POM121: variants seen among roughly 807,000 people sequenced by gnomAD.
The protein encoded by POM121 is nuclear envelope pore membrane protein POM 121.
In POM121, 32 loss-of-function variants were observed where a neutral mutation model predicts 81.3. The observed-to-expected ratio is 0.39, with a 90% CI of 0.30 to 0.53. The LOEUF (loss-of-function observed/expected upper bound fraction) is 0.53, where lower values mean the gene tolerates loss of function less well. Ranked by LOEUF, POM121 falls within the 20% of genes least tolerant of loss-of-function variation. The pLI is 0.66. For missense variants in POM121, 1,138 were observed against 1,614.6 expected (o/e 0.70, Z 5.06); for synonymous variants, 514 against 694.2 (o/e 0.74, Z 4.08).
upstream of POM121, chr7:72,925,032 G>A: frequency 7.5e-7 from 1 of 1,332,198 alleles, no homozygotes; most frequent in Non-Finnish European, 9.5e-7. Context: ...CCGGAGTCGC[G>A]CGCGCATGAC....
At chr7:72,904,942 C>T (rs1305092808) in intron 3 of POM121, among the ~76,000 whole-genome samples, 9 of 152,296 alleles carry the variant, frequency 5.9e-5, no homozygotes, top group South Asian at 2.1e-4. Flanking sequence ...CTCGCTATCA[C>T]GAGAACACCA....
intron 7 of POM121, 78 bp from the exon 8 acceptor site, chr7:72,939,768 GA>G: frequency 6.2e-7 from 1 of 1,610,750 alleles, no homozygotes; most frequent in East Asian, 2.2e-5. Flanking sequence ...AACTCAATGT[GA>G]AATGCGAAGT....
At chr7:72,908,019 A>G (rs1320145518) in intron 3 of POM121, among the ~76,000 whole-genome samples, 1 of 152,114 alleles carries the variant, frequency 6.6e-6, no homozygotes, top group Non-Finnish European at 1.5e-5. Flanking sequence ...CTGCTGCTCT[A>G]TCATCAAGGT....
Position 72,939,859 on chromosome 7 carries a change from C to A in POM121, c.1454C>A (p.Thr485Asn), listed in dbSNP as rs1348959217. 1.2e-6 allele frequency: 2 copies of A among 1,610,338 alleles called. No individual in the cohort carries two copies. The highest frequency in any genetic ancestry group is 1.7e-6 in the Non-Finnish European group (2 of 1,178,712). ...ESQGEKAADT[T>N]PRKKQNSNSQ... ...TTTCTTTCTTTAGCTGCAGATACAA[C>A]CCCAAGGAAGAAACAAAACTCGAAT... is the stretch of plus-strand genomic sequence containing the variant. Residue 485 changes from threonine to asparagine, a missense_variant, in exon 8 of 13, where the codon ACC (threonine) becomes AAC (asparagine). By Grantham distance (65) the Thr-to-Asn change is moderately conservative. Around this residue, in one of 7 missense-constraint regions of POM121, gnomAD observed 24 missense variants for 54.3 expected, o/e 0.44. Transcript: ENST00000434423.
intron 3 of POM121, chr7:72,891,151 C>G: frequency 1.3e-6 from 1 of 746,492 alleles, no homozygotes; most frequent in South Asian, 1.7e-5. Context: ...ATGCTCATCC[C>G]AGACCTTTGG....
rs1554496802 is a variant in POM121 at position 72,925,145 on chromosome 7, TGGAGCAGGCGAGCGGCGGCGGCC to T, written c.25_47del (p.Gly9HisfsTer114). ...CGATGTCTCCGGCGGCTGCGGCGGCTGGAGCAGGCGAGCGGCGGCGGCCCATAGCGAGTGTCAGGGACGGCCGG... is the reference window on the plus strand; with the variant it reads ...CGATGTCTCCGGCGGCTGCGGCGGCTCATAGCGAGTGTCAGGGACGGCCGG... On this transcript the variant is annotated frameshift_variant, in exon 1 of 13. Transcript: ENST00000434423. LOFTEE classifies it high-confidence loss of function. 6.9e-7 allele frequency: 1 copy of T among 1,452,254 alleles called. No homozygotes were observed. The highest frequency in any genetic ancestry group is 1.5e-5 in the African/African-American group (1 of 67,034). The allele number at this position is 1,452,254 out of a possible 1,614,324, so 90.0% of individuals were successfully genotyped here.
intron 4 of POM121, among the ~76,000 whole-genome samples, chr7:72,916,567 A>T (rs1258899618): frequency 6.6e-6 from 1 of 152,212 alleles, no homozygotes; most frequent in East Asian, 1.9e-4. Flanking sequence ...TGGTTACTGT[A>T]GCCTTGTAGT....
chr7:72,917,074 T>C (rs782242903), intron 4 of POM121, among the ~76,000 whole-genome samples: 5 of 152,190 alleles, frequency 3.3e-5, no homozygotes, highest in Non-Finnish European at 7.3e-5. Context: ...ATACTTCTCA[T>C]TGTTTGCTAT....
At chr7:72,911,593 T>C (rs1231245839) in intron 3 of POM121, among the ~76,000 whole-genome samples, 1 of 152,206 alleles carries the variant, frequency 6.6e-6, no homozygotes, top group Non-Finnish European at 1.5e-5. Flanking sequence ...GCGCTCTGGC[T>C]CGTGCGACCT....
At chr7:72,881,269 A>G (rs186949802) in intron 1 of POM121, among the ~76,000 whole-genome samples, 12,221 of 150,812 alleles carry the variant, frequency 0.081, 1,606 homozygotes, top group African/African-American at 0.28. Context: ...GGGTTTTGCC[A>G]TGTTGGCCCA....
chr7:72,925,330 GC>G lies in POM121; in HGVS notation c.211del (p.Arg71AlafsTer50). The G allele has an allele frequency of 6.5e-7, 1 of 1,534,432 alleles. No individual in the cohort carries two copies. Among genetic ancestry groups the G allele is most frequent in the Non-Finnish European group, 8.7e-7 (1 of 1,146,642 alleles). On this transcript the variant is annotated frameshift_variant, in exon 1 of 13. Coordinates refer to ENST00000434423, the MANE Select transcript of POM121 (RefSeq NM_001387691.1). LOFTEE classifies it high-confidence loss of function. ...VGATAAWWGL[S>X]REPRGSRPLS... ...GCTACCGCGGCCTGGTGGGGACTGA[GC>G]CGCGAGCCCCGAGGTTCGCGCCCCT...
Position 72,942,262 on chromosome 7 carries a change from A to C in POM121, c.2269A>C (p.Ser757Arg). The change falls in exon 11 of 13, where the codon AGC becomes CGC. Residue 757 changes from serine to arginine, a missense_variant. Coordinates refer to ENST00000434423, the MANE Select transcript of POM121 (RefSeq NM_001387691.1). ...TTCAGTCACAGCCACAGCGCCCTCC[A>C]GCTCCTCCCTCCCCACGACCACCAG... is the stretch of plus-strand genomic sequence containing the variant. Reference protein sequence around the residue: ...GPSVTATAPSSSSLPTTTSTT... With the variant: ...GPSVTATAPSRSSLPTTTSTT... 6.2e-7 allele frequency: 1 copy of C among 1,607,242 alleles called. No individual in the cohort carries two copies.
intron 3 of POM121, among the ~76,000 whole-genome samples, chr7:72,902,258 T>TC (rs1438761891): frequency 8.9e-5 from 13 of 146,058 alleles, no homozygotes; most frequent in African/African-American, 7.5e-5. Context: ...TTTCTTTCTT[T>TC]TTTTTTTTTT....
At chr7:72,897,490 A>T (rs1554491893) in intron 3 of POM121, among the ~76,000 whole-genome samples, 1 of 152,172 alleles carries the variant, frequency 6.6e-6, no homozygotes, top group Non-Finnish European at 1.5e-5. Flanking sequence ...GATCATAAGG[A>T]TTGTCTTTTA....
chr7:72,943,415 C>T lies in POM121; in HGVS notation c.3422C>T (p.Thr1141Ile). 6.2e-7 allele frequency: 1 copy of T among 1,612,936 alleles called. No homozygotes were observed. The highest frequency in any genetic ancestry group is 8.5e-7 in the Non-Finnish European group (1 of 1,179,630). The change falls in exon 11 of 13, where the codon ACC (threonine) becomes ATC (isoleucine). Residue 1141 changes from threonine (T) to isoleucine (I), a missense_variant. By Grantham distance (89) the Thr-to-Ile change is moderately conservative. Around this residue, in one of 7 missense-constraint regions of POM121, gnomAD observed 336 missense variants for 344.3 expected, o/e 0.98. Transcript: ENST00000434423. Reference protein sequence around the residue: ...AGQSGSTATSTPFAGGLGQNA... With the variant: ...AGQSGSTATSIPFAGGLGQNA... ...CAGAGTGGGAGCACAGCCACCTCCA[C>T]CCCCTTCGCAGGGGGCTTAGGTCAG...
chr7:72,925,102 C>G lies in POM121; in HGVS notation c.-20C>G. On this transcript the variant is annotated 5_prime_UTR_variant, in exon 1 of 13. Transcript: ENST00000434423. ...GTGCACGCTGGGATATTTAAGTCTC[C>G]TCCGCGGCGCGGAGCCGCGATGTCT... The G allele has an allele frequency of 7.2e-7, 1 of 1,397,722 alleles. No homozygotes were observed. The highest frequency in any genetic ancestry group is 9.2e-7 in the Non-Finnish European group (1 of 1,090,820). The allele number at this position is 1,397,722 out of a possible 1,614,324, so 86.6% of individuals were successfully genotyped here. A position where few individuals can be genotyped will look rare whatever the true frequency, so the allele number is the denominator to read the frequency against.
At chr7:72,888,490 G>A (rs568049087) in intron 1 of POM121, among the ~76,000 whole-genome samples, 7 of 152,350 alleles carry the variant, frequency 4.6e-5, no homozygotes, top group South Asian at 4.1e-4. Context: ...GATTACAGGC[G>A]TGAGCCACTG....
upstream of POM121, among the ~76,000 whole-genome samples, chr7:72,923,589 ATTTTTTTTTTT>A (rs1187827150): frequency 1.6e-4 from 14 of 88,766 alleles, 1 homozygote; most frequent in African/African-American, 3.6e-4. Context: ...CGCCCGGCTA[ATTTTTTTTTTT>A]TTTTTTTTTT....
chr7:72,927,676 C>G (rs1422070689), intron 3 of POM121, among the ~76,000 whole-genome samples: 2 of 151,638 alleles, frequency 1.3e-5, no homozygotes, highest in African/African-American at 4.8e-5. Context: ...CCACCATACT[C>G]CAGCCTGGGT....
Sources: gnomAD v4.1 joint callset for allele counts (sites outside exome capture counted in the v4.1 genomes callset) on GRCh38, gnomAD v4.1.1 for gene constraint, gnomAD v4.1.1 regional missense constraint, MANE v1.5 for transcripts, NCBI Gene and HGNC (gene_info 2026-07-23, HGNC 2026-07-21) for gene names.